Variants in APBA1 observed in about 807,000 individuals in gnomAD.
APBA1 encodes amyloid-beta A4 precursor protein-binding family A member 1.
In APBA1, 55 loss-of-function variants were observed where a neutral mutation model predicts 86.6. The ratio of observed to expected loss-of-function variants is 0.64; its 90% CI spans 0.51 to 0.80. The LOEUF (loss-of-function observed/expected upper bound fraction) is 0.80, where lower values mean the gene tolerates loss of function less well. Among genes scored for constraint, APBA1 ranks in the 30% least tolerant of loss-of-function variants. The pLI, the probability that APBA1 is intolerant of heterozygous loss-of-function variation, is 0.00. For missense variants in APBA1, 1,090 were observed against 1,183.0 expected, an observed-to-expected ratio of 0.92 and a Z score of 1.15; for synonymous variants, 511 against 493.9, an observed-to-expected ratio of 1.03 and a Z score of -0.46.
At chr9:69,494,184 T>G (rs1835758735) in intron 2 of APBA1, 1 of 152,052 alleles carries the variant, frequency 6.6e-6, no homozygotes, top group African/African-American at 2.4e-5. Flanking sequence ...ATGAACTGTT[T>G]TATATATATA....
At chr9:69,503,155 CTG>C (rs1248993349) in intron 2 of APBA1, among the ~76,000 whole-genome samples, 4 of 152,104 alleles carry the variant, frequency 2.6e-5, no homozygotes, top group African/African-American at 9.7e-5. Context: ...TTGCCTTTCT[CTG>C]TGTTTCCAGG....
In APBA1 at chr9:69,564,994, G is replaced by C. The variant is rs185742241; in HGVS notation, c.-69-47715C>G. ...GTGAATTATTTCTAATGTGAATTTAGTGAAAAAGAGGCAGCACAATATGTA... is the reference window on the plus strand; with the variant it reads ...GTGAATTATTTCTAATGTGAATTTACTGAAAAAGAGGCAGCACAATATGTA... On this transcript the variant is annotated intron_variant, in intron 1 of 12. Transcript: ENST00000265381. Among the ~76,000 whole-genome samples, 3 of 152,276 alleles carry C rather than the reference G, an allele frequency of 2.0e-5. No individual in the cohort carries two copies. The East Asian group carries it at 5.8e-4, about 29-fold the overall frequency.
chr9:69,468,926 G>C (rs1333762072), intron 4 of APBA1, among the ~76,000 whole-genome samples: 1 of 151,026 alleles, frequency 6.6e-6, no homozygotes, highest in African/African-American at 2.4e-5. Flanking sequence ...GTACAGTGGT[G>C]TGATCTCGGC....
At chr9:69,557,781 G>A (rs918299542) in intron 1 of APBA1, among the ~76,000 whole-genome samples, 6 of 152,158 alleles carry the variant, frequency 3.9e-5, no homozygotes, top group Admixed American at 2.0e-4. Context: ...AAGCCTCAGT[G>A]CTCCCGGTTG....
intron 2 of APBA1, among the ~76,000 whole-genome samples, chr9:69,487,104 CA>C (rs999712143): frequency 3.9e-5 from 6 of 151,950 alleles, no homozygotes. Flanking sequence ...TGCCTCCTTC[CA>C]AATAGATGAT....
intron 10 of APBA1, among the ~76,000 whole-genome samples, chr9:69,448,444 TAAGAAAAAGA>T (rs1437554739): frequency 6.6e-6 from 1 of 152,310 alleles, no homozygotes; most frequent in East Asian, 1.9e-4. Context: ...GTATAAGATA[TAAGAAAAAGA>T]AATTAAAGGA....
intron 2 of APBA1, among the ~76,000 whole-genome samples, chr9:69,476,623 A>G (rs943635769): frequency 3.2e-4 from 49 of 151,306 alleles, no homozygotes; most frequent in African/African-American, 1.2e-3. Context: ...AAACCATACC[A>G]CCTGTATTTT....
rs1376930175 is a variant in APBA1 at position 69,630,055 on chromosome 9, G to A, written c.-70+42098C>T. 2.4e-4 allele frequency among the ~76,000 whole-genome samples: 23 copies of A among 97,062 alleles called. No homozygotes were observed. In the South Asian group the frequency reaches 0.011, roughly 46 times the overall value. 63.7% of individuals were successfully genotyped at this position (97,062 alleles called of 152,430 possible). A position where few individuals can be genotyped will look rare whatever the true frequency, so the allele number is the denominator to read the frequency against. On this transcript the variant is annotated intron_variant, in intron 1 of 12. Coordinates refer to ENST00000265381, the MANE Select transcript of APBA1 (RefSeq NM_001163.4). ...ATATACCATGTAAAAAAGGTAATAT[G>A]TGCTATATTAAAAAAAAAAAGCAGG...
chr9:69,549,348 A>G (rs1836748704), intron 1 of APBA1, among the ~76,000 whole-genome samples: 1 of 152,174 alleles, frequency 6.6e-6, no homozygotes, highest in African/African-American at 2.4e-5. Context: ...CTGGGACACT[A>G]TAGGTGCTTA....
chr9:69,538,861 C>T (rs773369930), intron 1 of APBA1, among the ~76,000 whole-genome samples: 1 of 152,218 alleles, frequency 6.6e-6, no homozygotes, highest in African/African-American at 2.4e-5. Context: ...AAGCCCATTC[C>T]AATCGGGCTC....
intron 3 of APBA1, among the ~76,000 whole-genome samples, 158 bp downstream of exon 3, chr9:69,475,890 T>G (rs2781542): frequency 0.3 from 45,998 of 152,170 alleles, 7,248 homozygotes; most frequent in East Asian, 0.45. Context: ...GACATGGCTT[T>G]AACAGGTGAA....
chr9:69,564,758 T>A (rs1836999209), intron 1 of APBA1, among the ~76,000 whole-genome samples: 1 of 152,224 alleles, frequency 6.6e-6, no homozygotes, highest in Non-Finnish European at 1.5e-5. Context: ...CTTGGAAGAC[T>A]GTATGGCTGT....
intron 11 of APBA1, among the ~76,000 whole-genome samples, chr9:69,440,085 C>T (rs1834786241): frequency 6.6e-6 from 1 of 152,214 alleles, no homozygotes; most frequent in Non-Finnish European, 1.5e-5. Flanking sequence ...GCAGCAGTGG[C>T]TGCAGAACAG....
rs148232015 is a variant in APBA1, at chr9:69,474,468, T to A, written c.1296+1580A>T. 2.7e-3 allele frequency: 417 copies of A among 152,362 alleles called. 2 individuals carry two copies. Among genetic ancestry groups the A allele is most frequent in the African/African-American group, 9.5e-3 (394 of 41,594 alleles). The allele number at this position is 152,362 out of a possible 1,614,324, so 9.4% of individuals were successfully genotyped here. On this transcript the variant is annotated intron_variant, in intron 3 of 12. Transcript: ENST00000265381. ...CTATCTGTGATTTTTCTCAGCCCAG[T>A]TCCTGGAACATTGTCAATGCTCAAG...
At chr9:69,613,155 T>G (rs1290187612) in intron 1 of APBA1, among the ~76,000 whole-genome samples, 3 of 152,016 alleles carry the variant, frequency 2.0e-5, no homozygotes, top group East Asian at 1.9e-4. Context: ...TTTCTAAATA[T>G]TGAGCTTTGA....
At chr9:69,628,699 A>G (rs142723156) in intron 1 of APBA1, among the ~76,000 whole-genome samples, 1 of 152,322 alleles carries the variant, frequency 6.6e-6, no homozygotes, top group East Asian at 1.9e-4. Context: ...GCATAGTGAC[A>G]TGTTCTAAAA....
chr9:69,531,885 C>T (rs1046057103), intron 1 of APBA1, among the ~76,000 whole-genome samples: 2 of 152,168 alleles, frequency 1.3e-5, no homozygotes. Context: ...ATCTCAGTTC[C>T]AGCACTCACT....
intron 5 of APBA1, among the ~76,000 whole-genome samples, chr9:69,466,053 AGTCAT>A (rs1835273478): frequency 6.6e-6 from 1 of 152,202 alleles, no homozygotes; most frequent in South Asian, 2.1e-4. Flanking sequence ...AAAACATCGT[AGTCAT>A]GTCAAAAGTT....
In APBA1 at chr9:69,430,469, G is replaced by C. The variant is rs1403385535; in HGVS notation, c.*858C>G. The C allele has an allele frequency of 6.6e-6, 1 of 152,470 alleles. No homozygotes were observed. Among genetic ancestry groups the C allele is most frequent in the Non-Finnish European group, 1.5e-5 (1 of 68,408 alleles). 9.4% of individuals were successfully genotyped at this position (152,470 alleles called of 1,614,324 possible). On this transcript the variant is annotated 3_prime_UTR_variant, in exon 13 of 13. Transcript: ENST00000265381. Reference sequence around the variant, plus strand: ...CTTCCAGAGAGGTGGGTTTCCAGGGGATCTGTGTGCCTAATCTTCAGCTTG... The same window carrying C: ...CTTCCAGAGAGGTGGGTTTCCAGGGCATCTGTGTGCCTAATCTTCAGCTTG...
Sources: allele counts gnomAD v4.1 joint callset (sites outside exome capture counted in the v4.1 genomes callset), GRCh38; gene constraint gnomAD v4.1.1; transcripts MANE v1.5; gene names NCBI Gene and HGNC (gene_info 2026-07-23, HGNC 2026-07-21).